Variants in RANBP9 observed in about 807,000 individuals in gnomAD.
RANBP9 encodes the protein RAN binding protein 9.
In RANBP9, 15 loss-of-function variants were observed where a neutral mutation model predicts 84.3. The observed-to-expected ratio is 0.18, with a 90% confidence interval of 0.12 to 0.27. The LOEUF (loss-of-function observed/expected upper bound fraction) is 0.27. Among genes scored for constraint, RANBP9 ranks in the 10% least tolerant of loss-of-function variants. The pLI is 1.00. For synonymous variants in RANBP9, 392 were observed against 349.6 expected, an observed-to-expected ratio of 1.12 and a Z score of -1.35; for missense variants, 809 against 912.8, an observed-to-expected ratio of 0.89 and a Z score of 1.46.
At chr6:13,654,008 C>T (rs1376016702) in intron 4 of RANBP9, among the ~76,000 whole-genome samples, 1 of 151,978 alleles carries the variant, frequency 6.6e-6, no homozygotes, top group Non-Finnish European at 1.5e-5. Flanking sequence ...ATACATATTT[C>T]TAATATTTTT....
At position 13,639,570 on chromosome 6, in the gene RANBP9, A is replaced by G. The variant is rs1414790835; in HGVS notation, c.1518T>C (p.His506=). 23 of 1,602,692 alleles carry G rather than the reference A, an allele frequency of 1.4e-5. No homozygotes were observed. Among genetic ancestry groups the G allele is most frequent in the Non-Finnish European group, 2.0e-5 (23 of 1,169,854 alleles). ...NLASGKGSTA[H]FSGFESCSNG... is the part of the protein sequence containing the mutation. The stretch of plus-strand genomic sequence containing the variant: ...TCATAAGTTAAATCTCACCTGAAAA[A>G]TGTGCGGTGCTTCCTTTGCCTGATG... The change falls in exon 9 of 14, where the codon CAT becomes CAC. Residue 506 remains histidine, a synonymous_variant. Coordinates refer to ENST00000011619, the MANE Select transcript of RANBP9 (RefSeq NM_005493.3).
intron 1 of RANBP9, among the ~76,000 whole-genome samples, chr6:13,709,675 T>A (rs1218523746): frequency 1.3e-5 from 2 of 152,224 alleles, no homozygotes; most frequent in African/African-American, 2.4e-5. Context: ...ATGGCGAGAA[T>A]AAAAAGAATG....
chr6:13,624,513 C>G (rs558577710), intron 13 of RANBP9, among the ~76,000 whole-genome samples: 3 of 152,288 alleles, frequency 2.0e-5, no homozygotes, highest in African/African-American at 7.2e-5. Context: ...AAAACTCACT[C>G]TTTATATAAA....
At chr6:13,643,375 A>C (rs1327496008) in intron 6 of RANBP9, among the ~76,000 whole-genome samples, 2 of 152,198 alleles carry the variant, frequency 1.3e-5, no homozygotes, top group Non-Finnish European at 2.9e-5. Flanking sequence ...CCAAACAGTC[A>C]ATTTTTAAAC....
chr6:13,711,507 C>A lies in RANBP9; in HGVS notation c.-2G>T. On this transcript the variant is annotated 5_prime_UTR_variant, in exon 1 of 14. Transcript: ENST00000011619. The stretch of plus-strand genomic sequence containing the variant: ...CGGCGGCGGCGGCTGCCCGGACATC[C>A]CGGCCGCGACTCAGCCTGCGGCCAC... The A allele has an allele frequency of 8.0e-7, 1 of 1,248,722 alleles. No homozygotes were observed. Among genetic ancestry groups the A allele is most frequent in the African/African-American group, 1.6e-5 (1 of 64,404 alleles). The allele number at this position is 1,248,722 out of a possible 1,614,324, so 77.4% of individuals were successfully genotyped here.
At chr6:13,675,901 G>A (rs1427177680) in intron 2 of RANBP9, among the ~76,000 whole-genome samples, 1 of 151,744 alleles carries the variant, frequency 6.6e-6, no homozygotes, top group African/African-American at 2.4e-5. Flanking sequence ...GGATTTCAAG[G>A]CAATTCCCTG....
chr6:13,635,914 T>C (rs1314631707), intron 10 of RANBP9, among the ~76,000 whole-genome samples: 1 of 151,986 alleles, frequency 6.6e-6, no homozygotes. Context: ...GTGCTAAGGA[T>C]ATTATGAAAC....
intron 13 of RANBP9, among the ~76,000 whole-genome samples, chr6:13,622,717 A>G (rs1024947340): frequency 6.6e-6 from 1 of 152,242 alleles, no homozygotes; most frequent in African/African-American, 2.4e-5. Context: ...AAACTCTGGC[A>G]GAATCAGACT....
intron 2 of RANBP9, among the ~76,000 whole-genome samples, chr6:13,659,249 CACACACAT>C (rs879748635): frequency 0.011 from 1,198 of 110,704 alleles, 8 homozygotes; most frequent in East Asian, 0.031. Context: ...ACCCCACACA[CACACACAT>C]ACACACACAC....
intron 2 of RANBP9, among the ~76,000 whole-genome samples, chr6:13,693,915 C>T (rs1270609334): frequency 3.3e-5 from 5 of 151,692 alleles, no homozygotes; most frequent in African/African-American, 1.2e-4. Flanking sequence ...TGGTGGTGGG[C>T]GCCTGTAATC....
At chr6:13,706,908 G>A (rs1263387759) in intron 1 of RANBP9, among the ~76,000 whole-genome samples, 1 of 151,110 alleles carries the variant, frequency 6.6e-6, no homozygotes, top group Non-Finnish European at 1.5e-5. Flanking sequence ...TACTCAGGAG[G>A]CTGAGGCAGA....
intron 6 of RANBP9, among the ~76,000 whole-genome samples, chr6:13,643,469 G>GC (rs1765112340): frequency 6.6e-6 from 1 of 152,160 alleles, no homozygotes; most frequent in African/African-American, 2.4e-5. Context: ...GAGGCAAAGA[G>GC]CGGAGGGAGA....
In RANBP9 at chr6:13,657,554, G is replaced by A. The variant is rs539438354; in HGVS notation, c.737-278C>T. Among the ~76,000 whole-genome samples, 10 of 152,192 alleles carry A rather than the reference G, an allele frequency of 6.6e-5. No homozygotes were observed. In the South Asian group the frequency reaches 1.9e-3, roughly 28 times the overall value. On this transcript the variant is annotated intron_variant, in intron 3 of 13. Transcript: ENST00000011619. ...ACAAACATAAATGCAACAACCACAG[G>A]AGGACACATTTTCTGTGCATATTCC...
At chr6:13,687,004 G>A (rs1766205615) in intron 2 of RANBP9, among the ~76,000 whole-genome samples, 1 of 152,132 alleles carries the variant, frequency 6.6e-6, no homozygotes, top group Non-Finnish European at 1.5e-5. Flanking sequence ...TAGAATCTTA[G>A]ATGATTATGT....
chr6:13,687,351 G>A (rs890372852), intron 2 of RANBP9, among the ~76,000 whole-genome samples: 1 of 152,074 alleles, frequency 6.6e-6, no homozygotes, highest in Non-Finnish European at 1.5e-5. Context: ...GGCCAGGTGT[G>A]ATGGCTCACA....
rs554397768 is a variant in RANBP9, at chr6:13,705,654, G to A, written c.571+5281C>T. ...AGGCGCGCAGATCACAAGGTCAGGAGATCAAGACCATCCTGACTAACTCGG... is the reference window on the plus strand; with the variant it reads ...AGGCGCGCAGATCACAAGGTCAGGAAATCAAGACCATCCTGACTAACTCGG... On this transcript the variant is annotated intron_variant, in intron 1 of 13. Transcript: ENST00000011619. Among the ~76,000 whole-genome samples the A allele has an allele frequency of 5.3e-5, 8 of 151,748 alleles. No homozygotes were observed. In the East Asian group the frequency reaches 1.4e-3, roughly 26 times the overall value.
At chr6:13,669,107 T>C (rs1260351806) in intron 2 of RANBP9, among the ~76,000 whole-genome samples, 1 of 150,906 alleles carries the variant, frequency 6.6e-6, no homozygotes, top group Non-Finnish European at 1.5e-5. Context: ...GAAAATGAAT[T>C]TAAGAAAATA....
chr6:13,668,417 A>G (rs1765700420), intron 2 of RANBP9, among the ~76,000 whole-genome samples: 1 of 152,114 alleles, frequency 6.6e-6, no homozygotes, highest in Non-Finnish European at 1.5e-5. Context: ...AAGGCATCAC[A>G]AAAAAACTAC....
At position 13,711,640 on chromosome 6, in the gene RANBP9, C is replaced by A; in HGVS notation, c.-135G>T. On this transcript the variant is annotated 5_prime_UTR_variant, in exon 1 of 14. Coordinates refer to ENST00000011619, the MANE Select transcript of RANBP9 (RefSeq NM_005493.3). Reference sequence around the variant, plus strand: ...CCCCGGAAGCAGGCGGCGGGCCGCGCGCCCAGGGAGACCGCGGCGGTTGAG... The same window carrying A: ...CCCCGGAAGCAGGCGGCGGGCCGCGAGCCCAGGGAGACCGCGGCGGTTGAG... 1.2e-6 allele frequency: 1 copy of A among 821,412 alleles called. No homozygotes were observed. The highest frequency in any genetic ancestry group is 1.6e-6 in the Non-Finnish European group (1 of 631,500). 50.9% of individuals were successfully genotyped at this position (821,412 alleles called of 1,614,324 possible). A position where few individuals can be genotyped will look rare whatever the true frequency, so the allele number is the denominator to read the frequency against.
Sources: gnomAD v4.1 joint callset for allele counts (sites outside exome capture counted in the v4.1 genomes callset) on GRCh38, gnomAD v4.1.1 for gene constraint, MANE v1.5 for transcripts, NCBI Gene and HGNC (gene_info 2026-07-23, HGNC 2026-07-21) for gene names.